Variants in EIF2D observed in about 807,000 individuals in gnomAD.
The protein encoded by EIF2D is hepatocellular carcinoma-associated antigen 56.
A neutral mutation model predicts 77.4 loss-of-function variants in EIF2D; 56 were observed. That is an observed-to-expected ratio of 0.72 (90% CI 0.58 to 0.90). The LOEUF is 0.90. Among genes scored for constraint, EIF2D ranks in the 40% least tolerant of loss-of-function variants. EIF2D has a pLI of 0.00. For synonymous variants in EIF2D, 230 were observed against 271.0 expected (o/e 0.85, Z 1.49); for missense variants, 574 against 706.5 (o/e 0.81, Z 2.13).
intron 2 of EIF2D, chr1:206,583,547 G>C (rs1668980812): frequency 1.7e-6 from 1 of 605,744 alleles, no homozygotes; most frequent in Admixed American, 2.9e-5. Flanking sequence ...AGAGCCCTCA[G>C]TGGCCTCCAT....
Position 206,612,398 on chromosome 1 carries a change from C to T in EIF2D, c.-56G>A. On this transcript the variant is annotated 5_prime_UTR_variant, in exon 1 of 15. Coordinates refer to ENST00000271764, the MANE Select transcript of EIF2D (RefSeq NM_006893.3). ...CAGAAGCCAGGGAATGTCAAGAAAG[C>T]GAGGGCGCAGCAGCTGCCAGGCCCT... 1.2e-6 allele frequency: 2 copies of T among 1,610,722 alleles called. No individual in the cohort carries two copies. The highest frequency in any genetic ancestry group is 1.1e-5 in the South Asian group (1 of 91,024).
rs2102271527 is a variant in EIF2D, at chr1:206,591,920, T to C, written c.1685-75A>G. 5.0e-6 allele frequency: 7 copies of C among 1,410,448 alleles called. No individual in the cohort carries two copies. In the East Asian group the frequency reaches 1.4e-4, roughly 28 times the overall value. 87.4% of individuals were successfully genotyped at this position (1,410,448 alleles called of 1,614,324 possible). ...CGGCTGGCCCTCCACCAGTCCCCGT[T>C]GCCTCACAATGTCATTCCACCCAGC... On this transcript the variant is annotated intron_variant, in intron 14 of 14. Transcript: ENST00000271764.
At chr1:206,577,249 T>G (rs1488783556) in intron 4 of EIF2D, among the ~76,000 whole-genome samples, 1 of 152,182 alleles carries the variant, frequency 6.6e-6, no homozygotes, top group Non-Finnish European at 1.5e-5. Context: ...CAGAAAAAGT[T>G]TGCCAACCAC....
At chr1:206,591,981 CA>C in intron 14 of EIF2D, 136 bp from the exon 15 acceptor site, 1 of 746,904 alleles carries the variant, frequency 1.3e-6, no homozygotes, top group Non-Finnish European at 2.4e-6. Context: ...CTTACGCCTA[CA>C]CCTCACAGCT....
At chr1:206,593,390 C>T (rs1474084487) in intron 14 of EIF2D, among the ~76,000 whole-genome samples, 2 of 151,990 alleles carry the variant, frequency 1.3e-5, no homozygotes, top group African/African-American at 4.8e-5. Flanking sequence ...AGAGAAAACA[C>T]TGAATTTGGA....
At chr1:206,612,214 A>G (rs1553414184) in intron 1 of EIF2D, 73 bp downstream of exon 1, 1 of 1,598,088 alleles carries the variant, frequency 6.3e-7, no homozygotes. Flanking sequence ...AAGAATAGCG[A>G]GGGCTATGGG....
Position 206,592,775 on chromosome 1 carries a change from G to A in EIF2D, c.1684+844C>T, listed in dbSNP as rs1453330840. Reference sequence around the variant, plus strand: ...AGGCTGGTTTGAAGTGAGGAAAAACGGGAGGCTGGGTTACCCAGAGTTAGT... The same window carrying A: ...AGGCTGGTTTGAAGTGAGGAAAAACAGGAGGCTGGGTTACCCAGAGTTAGT... On this transcript the variant is annotated intron_variant, in intron 14 of 14. Transcript: ENST00000271764. This position sits in a 1 kb window ranked among gnomAD's most constrained non-coding sequence, Gnocchi z 4.7. Among the ~76,000 whole-genome samples the A allele has an allele frequency of 1.3e-5, 2 of 152,158 alleles. No individual in the cohort carries two copies. The highest frequency in any genetic ancestry group is 2.4e-5 in the African/African-American group (1 of 41,446).
rs782113463 is a variant in EIF2D at position 206,597,169 on chromosome 1, C to G, written c.1319G>C (p.Cys440Ser). ...TTCATTTTTCTCTAAGATGCAGTCA[C>G]ATAGGATGGGATCCAATCTCACAAG... ...KNLVRLDPIL[C>S]DCILEKNEQH... The change falls in exon 12 of 15, where the codon TGT becomes TCT. Residue 440 changes from cysteine (C) to serine (S), a missense_variant. Cys to Ser is a moderately radical substitution (Grantham distance 112). Coordinates refer to ENST00000271764, the MANE Select transcript of EIF2D (RefSeq NM_006893.3). 1.2e-6 allele frequency: 2 copies of G among 1,613,972 alleles called. No homozygotes were observed. Among genetic ancestry groups the G allele is most frequent in the Non-Finnish European group, 1.7e-6 (2 of 1,179,898 alleles).
chr1:206,573,797 C>T lies in EIF2D; in HGVS notation c.*255-1098G>A, dbSNP rs547078452. ...CCAAAGCGGGAGGATCACTTGAGGC[C>T]AGGAGTTTGAGACCAGCCTGGGCAA... is the stretch of plus-strand genomic sequence containing the variant. On this transcript the variant is annotated intron_variant and NMD_transcript_variant, in intron 4 of 5. Transcript: ENST00000472709. Among the ~76,000 whole-genome samples the T allele has an allele frequency of 2.0e-5, 3 of 152,264 alleles. No individual in the cohort carries two copies. The East Asian group carries it at 5.8e-4, about 29-fold the overall frequency.
chr1:206,571,980 G>A (rs905870362), intron 5 of EIF2D, among the ~76,000 whole-genome samples: 1 of 152,096 alleles, frequency 6.6e-6, no homozygotes, highest in Non-Finnish European at 1.5e-5. Flanking sequence ...CTAAAAAGGG[G>A]GCTTCATGAA....
rs1178364284 is a variant in EIF2D at position 206,579,674 on chromosome 1, C to T, written c.*254+1018G>A. ...ATCAACTAGGAGATTTTTAAAATTCCCATGCCCAGACTGCACCCCAGACCA... is the reference window on the plus strand; with the variant it reads ...ATCAACTAGGAGATTTTTAAAATTCTCATGCCCAGACTGCACCCCAGACCA... On this transcript the variant is annotated intron_variant and NMD_transcript_variant, in intron 4 of 5. Transcript: ENST00000472709. This position sits in a 1 kb window ranked among gnomAD's most constrained non-coding sequence, Gnocchi z 4.2. Among the ~76,000 whole-genome samples the T allele has an allele frequency of 6.6e-6, 1 of 152,090 alleles. No individual in the cohort carries two copies. Among genetic ancestry groups the T allele is most frequent in the East Asian group, 1.9e-4 (1 of 5,200 alleles).
intron 11 of EIF2D, 27 bp downstream of exon 11, chr1:206,598,976 C>T (rs781807469): frequency 6.8e-6 from 11 of 1,610,110 alleles, no homozygotes; most frequent in Middle Eastern, 1.7e-4. Flanking sequence ...CCCAATAAGA[C>T]AGATCTGGTG....
At chr1:206,589,976 T>G (rs899371265), downstream of EIF2D, among the ~76,000 whole-genome samples, 2 of 152,250 alleles carry the variant, frequency 1.3e-5, no homozygotes, top group East Asian at 3.8e-4. Flanking sequence ...TCAATGATTT[T>G]GCCAAAGTCC....
At position 206,579,165 on chromosome 1, in the gene EIF2D, T is replaced by G. The variant is rs868932757; in HGVS notation, c.*254+1527A>C. 1.3e-5 allele frequency among the ~76,000 whole-genome samples: 2 copies of G among 152,186 alleles called. No individual in the cohort carries two copies. Among genetic ancestry groups the G allele is most frequent in the Non-Finnish European group, 2.9e-5 (2 of 68,028 alleles). On this transcript the variant is annotated intron_variant and NMD_transcript_variant, in intron 4 of 5. Coordinates refer to the EIF2D transcript ENST00000472709. The surrounding 1 kb of genome is among the most constrained non-coding windows in gnomAD (Gnocchi z 4.2). Reference sequence around the variant, plus strand: ...TGAGCACAAACCTGTTTTTCACCAGTGCCCTGGACATGCCAAGTGCATTGG... The same window carrying G: ...TGAGCACAAACCTGTTTTTCACCAGGGCCCTGGACATGCCAAGTGCATTGG...
At position 206,584,856 on chromosome 1, in the gene EIF2D, CAGAG is replaced by C. The variant is rs1553407289; in HGVS notation, c.139-3698_139-3695del. The C allele has an allele frequency of 1.3e-5, 9 of 694,132 alleles. No homozygotes were observed. The highest frequency in any genetic ancestry group is 2.8e-5 in the Admixed American group (1 of 35,296). 43.0% of individuals were successfully genotyped at this position (694,132 alleles called of 1,614,324 possible). On this transcript the variant is annotated intron_variant and NMD_transcript_variant, in intron 2 of 5. Coordinates refer to the EIF2D transcript ENST00000472709. This position sits in a 1 kb window ranked among gnomAD's most constrained non-coding sequence, Gnocchi z 4.9. ...TGGAATCCGGGCAGGGAGGCAAGAG[CAGAG>C]TCCCTGACTCTGCATGTGACTTCAG...
chr1:206,609,448 A>G lies in EIF2D; in HGVS notation c.259T>C (p.Trp87Arg). 4 of 1,614,134 alleles carry G rather than the reference A, an allele frequency of 2.5e-6. No homozygotes were observed. Among genetic ancestry groups the G allele is most frequent in the Non-Finnish European group, 3.4e-6 (4 of 1,179,974 alleles). The change falls in exon 3 of 15, where the codon TGG becomes CGG. Residue 87 changes from tryptophan to arginine, a missense_variant. Physicochemically the swap from Trp to Arg is moderately radical, Grantham distance 101. Coordinates refer to ENST00000271764, the MANE Select transcript of EIF2D (RefSeq NM_006893.3). The stretch of plus-strand genomic sequence containing the variant: ...GTTGGCAGAAGATCAGGATAGGACC[A>G]CAGCGTGTACACTGTACAAAAAGAG... Reference protein sequence around the residue: ...KNLYPTVYTLWSYPDLLPTFT... With the variant: ...KNLYPTVYTLRSYPDLLPTFT...
chr1:206,584,273 C>T lies in EIF2D; in HGVS notation c.139-3111G>A. ...TCCAGCTCTCCCACGTCAGCAGAGG[C>T]AGGAAAGAACTCAAGGAGACAGGTG... On this transcript the variant is annotated intron_variant and NMD_transcript_variant, in intron 2 of 5. Coordinates refer to the EIF2D transcript ENST00000472709. This position sits in a 1 kb window ranked among gnomAD's most constrained non-coding sequence, Gnocchi z 4.9. The T allele has an allele frequency of 9.9e-7, 1 of 1,006,986 alleles. No individual in the cohort carries two copies. Among genetic ancestry groups the T allele is most frequent in the Non-Finnish European group, 1.4e-6 (1 of 691,498 alleles). 62.4% of individuals were successfully genotyped at this position (1,006,986 alleles called of 1,614,324 possible).
intron 4 of EIF2D, among the ~76,000 whole-genome samples, chr1:206,576,889 A>ACTC (rs1325088378): frequency 6.6e-6 from 1 of 151,818 alleles, no homozygotes; most frequent in Non-Finnish European, 1.5e-5. Flanking sequence ...GCAGCCTTGA[A>ACTC]CTCCTGGGGG....
At chr1:206,576,355 C>G (rs1465701044) in intron 4 of EIF2D, among the ~76,000 whole-genome samples, 2 of 152,152 alleles carry the variant, frequency 1.3e-5, no homozygotes, top group African/African-American at 2.4e-5. Context: ...GTCACAGAAC[C>G]AGGGGGTGAG....
Sources: gnomAD v4.1 joint callset for allele counts (sites outside exome capture counted in the v4.1 genomes callset) on GRCh38, gnomAD v4.1.1 for gene constraint, Gnocchi (gnomAD v3.1) non-coding constraint, MANE v1.5 for transcripts, NCBI Gene and HGNC (gene_info 2026-07-23, HGNC 2026-07-21) for gene names.